CNTNAP5: variants seen among roughly 807,000 people sequenced by gnomAD.
CNTNAP5 encodes contactin associated protein family member 5, also known as contactin-associated protein-like 5.
In CNTNAP5, 72 loss-of-function variants were observed where a neutral mutation model predicts 150.2. The observed-to-expected ratio is 0.48, with a 90% confidence interval of 0.40 to 0.58. The LOEUF is 0.58. Among genes scored for constraint, CNTNAP5 ranks in the 20% least tolerant of loss-of-function variants. The pLI, the probability that CNTNAP5 is intolerant of heterozygous loss-of-function variation, is 0.00. For missense variants in CNTNAP5, 1,636 were observed against 1,626.2 expected, an observed-to-expected ratio of 1.01 and a Z score of -0.10; for synonymous variants, 672 against 619.8, an observed-to-expected ratio of 1.08 and a Z score of -1.25.
intron 21 of CNTNAP5, among the ~76,000 whole-genome samples, chr2:124,881,163 C>T (rs1323370243): frequency 6.6e-6 from 1 of 152,054 alleles, no homozygotes; most frequent in Non-Finnish European, 1.5e-5. Flanking sequence ...TGGAAAGGAG[C>T]TCTCGTGGTC....
At chr2:124,603,780 A>G (rs755611101) in intron 11 of CNTNAP5, among the ~76,000 whole-genome samples, 1 of 152,176 alleles carries the variant, frequency 6.6e-6, no homozygotes, top group East Asian at 1.9e-4. Context: ...TAGATAAATA[A>G]ATACATACAT....
chr2:124,524,152 T>A, intron 8 of CNTNAP5, 151 bp from the exon 9 acceptor site: 1 of 612,180 alleles, frequency 1.6e-6, no homozygotes, highest in Non-Finnish European at 2.7e-6. Context: ...CAATGCTTTT[T>A]ATGAATCTTC....
At chr2:124,911,226 C>T (rs773984161) in intron 22 of CNTNAP5, among the ~76,000 whole-genome samples, 1 of 152,008 alleles carries the variant, frequency 6.6e-6, no homozygotes, top group South Asian at 2.1e-4. Flanking sequence ...CTGTTTTAAC[C>T]CCTTATCTTA....
intron 13 of CNTNAP5, among the ~76,000 whole-genome samples, chr2:124,706,536 C>T (rs1014840365): frequency 2.0e-5 from 3 of 151,916 alleles, no homozygotes; most frequent in South Asian, 2.1e-4. Flanking sequence ...CACTTGAGGT[C>T]AGGAGTTCAA....
At chr2:124,746,917 G>T (rs567770892) in intron 13 of CNTNAP5, among the ~76,000 whole-genome samples, 51 of 152,122 alleles carry the variant, frequency 3.4e-4, no homozygotes, top group African/African-American at 1.2e-3. Context: ...ACATTTTGAT[G>T]AAAATGTCGT....
At chr2:124,640,352 G>T (rs61619187) in intron 12 of CNTNAP5, among the ~76,000 whole-genome samples, 1,825 of 152,250 alleles carry the variant, frequency 0.012, 30 homozygotes, top group African/African-American at 0.041. Flanking sequence ...TCTGGAAGTC[G>T]TAAAGTGTGG....
chr2:124,645,152 T>C (rs534212892), intron 12 of CNTNAP5, among the ~76,000 whole-genome samples: 3 of 152,380 alleles, frequency 2.0e-5, no homozygotes, highest in South Asian at 2.1e-4. Flanking sequence ...TTGTCTATAC[T>C]GGTATGAATA....
intron 8 of CNTNAP5, among the ~76,000 whole-genome samples, chr2:124,513,755 G>A (rs1694645577): frequency 6.6e-6 from 1 of 152,174 alleles, no homozygotes; most frequent in Non-Finnish European, 1.5e-5. Context: ...ATTAGGTAAA[G>A]GGCAGGGGAG....
intron 3 of CNTNAP5, among the ~76,000 whole-genome samples, chr2:124,284,288 G>A (rs1371520833): frequency 1.3e-5 from 2 of 152,100 alleles, no homozygotes; most frequent in African/African-American, 4.8e-5. Flanking sequence ...TTTCCACAAG[G>A]CTACTGCCTG....
chr2:124,539,557 A>G (rs1695327806), intron 10 of CNTNAP5, among the ~76,000 whole-genome samples: 3 of 152,214 alleles, frequency 2.0e-5, no homozygotes, highest in African/African-American at 4.8e-5. Context: ...ACTTCTTTGT[A>G]TCTTAGCTCC....
chr2:124,518,887 G>A (rs188774690), intron 8 of CNTNAP5, among the ~76,000 whole-genome samples: 1 of 151,098 alleles, frequency 6.6e-6, no homozygotes, highest in Non-Finnish European at 1.5e-5. Flanking sequence ...TACTCAGGAG[G>A]CTGAGCCAGG....
chr2:124,297,174 T>G (rs1021273141), intron 3 of CNTNAP5, among the ~76,000 whole-genome samples: 1 of 152,228 alleles, frequency 6.6e-6, no homozygotes, highest in African/African-American at 2.4e-5. Context: ...GCACCAAATA[T>G]TAAAAAGTCC....
chr2:124,181,756 G>T (rs1685214453), intron 1 of CNTNAP5, among the ~76,000 whole-genome samples: 1 of 152,132 alleles, frequency 6.6e-6, no homozygotes, highest in African/African-American at 2.4e-5. Context: ...ACTGGCTAAG[G>T]TGAAGATCAA....
chr2:124,183,758 G>A (rs1685263746), intron 1 of CNTNAP5, among the ~76,000 whole-genome samples: 2 of 152,120 alleles, frequency 1.3e-5, no homozygotes, highest in Non-Finnish European at 2.9e-5. Flanking sequence ...TAATGTGCCA[G>A]GAATCTCTCA....
intron 3 of CNTNAP5, among the ~76,000 whole-genome samples, chr2:124,253,736 A>T (rs541982539): frequency 3.9e-5 from 6 of 152,128 alleles, no homozygotes; most frequent in Non-Finnish European, 8.8e-5. Flanking sequence ...CTGGATACTA[A>T]TCAGGATAGT....
intron 13 of CNTNAP5, among the ~76,000 whole-genome samples, chr2:124,720,509 C>A (rs139615164): frequency 3.3e-5 from 5 of 152,082 alleles, no homozygotes; most frequent in African/African-American, 9.7e-5. Flanking sequence ...CCAAAAAGAA[C>A]CTTCTTTGCA....
chr2:124,779,978 A>G (rs530426575), intron 17 of CNTNAP5, among the ~76,000 whole-genome samples: 1 of 152,202 alleles, frequency 6.6e-6, no homozygotes, highest in Non-Finnish European at 1.5e-5. Context: ...GGGACCAGTA[A>G]AGGTTTTCTA....
rs759275401 is a variant in CNTNAP5, at chr2:124,789,912, A to C, written c.2763A>C (p.Ser921=). 2 of 1,613,324 alleles carry C rather than the reference A, an allele frequency of 1.2e-6. No individual in the cohort carries two copies. The highest frequency in any genetic ancestry group is 4.5e-5 in the East Asian group (2 of 44,854). ...LNSQLFVGGT[S]SRQKGFLGCI... ...TATTTAACCTCTTAGGGGGAACGTCATCCAGACAGAAAGGCTTCCTAGGAT... is the reference window on the plus strand; with the variant it reads ...TATTTAACCTCTTAGGGGGAACGTCCTCCAGACAGAAAGGCTTCCTAGGAT... Residue 921 remains serine (S), a synonymous_variant, in exon 18 of 24, where the codon TCA becomes TCC. Coordinates refer to ENST00000682447, the MANE Select transcript of CNTNAP5 (RefSeq NM_001367498.1).
chr2:124,107,597 GC>G (rs1197220912), intron 1 of CNTNAP5, among the ~76,000 whole-genome samples: 1 of 152,184 alleles, frequency 6.6e-6, no homozygotes, highest in African/African-American at 2.4e-5. Flanking sequence ...AGAAAGTTAT[GC>G]TTTTAGTTAA....
Sources: gnomAD v4.1 joint callset for allele counts (sites outside exome capture counted in the v4.1 genomes callset) on GRCh38, gnomAD v4.1.1 for gene constraint, MANE v1.5 for transcripts, NCBI Gene and HGNC (gene_info 2026-07-23, HGNC 2026-07-21) for gene names.